The following LRRC69 variants were observed in gnomAD, a reference collection of about 807,000 sequenced individuals.
The protein encoded by LRRC69 is leucine rich repeat containing 69, also known as leucine-rich repeat-containing protein 69.
Under a neutral mutation model 37.8 loss-of-function variants are expected in LRRC69, and 42 were observed. The ratio of observed to expected loss-of-function variants is 1.11; its 90% confidence interval spans 0.87 to 1.44. The LOEUF (loss-of-function observed/expected upper bound fraction) is 1.44. Ranked by LOEUF, LRRC69 falls within the 40% of genes most tolerant of loss-of-function variation. The pLI is 0.00. For synonymous variants in LRRC69, 141 were observed against 143.1 expected (o/e 0.99, Z 0.11); for missense variants, 357 against 401.9 (o/e 0.89, Z 0.96).
intron 5 of LRRC69, among the ~76,000 whole-genome samples, chr8:91,188,619 T>G (rs897854580): frequency 2.0e-5 from 3 of 152,162 alleles, no homozygotes; most frequent in Non-Finnish European, 4.4e-5. Context: ...GAGAAATAAC[T>G]CCCTAAATTA....
chr8:91,153,974 C>G (rs1229436583), intron 5 of LRRC69, among the ~76,000 whole-genome samples: 1 of 151,560 alleles, frequency 6.6e-6, no homozygotes, highest in Non-Finnish European at 1.5e-5. Flanking sequence ...GCTAGCTACA[C>G]TAATAAAGAA....
intron 5 of LRRC69, among the ~76,000 whole-genome samples, chr8:91,184,832 A>G (rs192782155): frequency 2.0e-5 from 3 of 152,300 alleles, no homozygotes; most frequent in Admixed American, 2.0e-4. Flanking sequence ...CACAGTGGAG[A>G]GAGACAAGAG....
At chr8:91,196,916 C>G (rs1370185706) in intron 6 of LRRC69, among the ~76,000 whole-genome samples, 2 of 152,180 alleles carry the variant, frequency 1.3e-5, no homozygotes, top group Non-Finnish European at 2.9e-5. Flanking sequence ...AGGAGAGGCG[C>G]TCTGCGTTTT....
At chr8:91,153,722 G>C (rs1395017570) in intron 5 of LRRC69, among the ~76,000 whole-genome samples, 2 of 151,902 alleles carry the variant, frequency 1.3e-5, no homozygotes, top group East Asian at 3.9e-4. Flanking sequence ...GCAGTGATAA[G>C]AGGGAAATTA....
intron 6 of LRRC69, among the ~76,000 whole-genome samples, chr8:91,197,511 A>C (rs954573994): frequency 2.8e-5 from 4 of 145,174 alleles, no homozygotes; most frequent in Non-Finnish European, 4.6e-5. Context: ...TGGGCGTAGG[A>C]CCCTCCGAGC....
intron 5 of LRRC69, among the ~76,000 whole-genome samples, chr8:91,159,956 AC>A (rs1808907920): frequency 6.6e-6 from 1 of 150,906 alleles, no homozygotes; most frequent in South Asian, 2.1e-4. Flanking sequence ...GTCAATCCCC[AC>A]CTTAAAAAAA....
At chr8:91,161,311 A>C (rs1808940675) in intron 5 of LRRC69, among the ~76,000 whole-genome samples, 1 of 151,406 alleles carries the variant, frequency 6.6e-6, no homozygotes, top group Admixed American at 6.6e-5. Flanking sequence ...CTGGCCTTGA[A>C]GAATGAGTTA....
intron 7 of LRRC69, among the ~76,000 whole-genome samples, chr8:91,208,192 G>A (rs2130639941): frequency 6.6e-6 from 1 of 152,248 alleles, no homozygotes; most frequent in East Asian, 1.9e-4. Flanking sequence ...TGGATTTTTG[G>A]GTGACACAGT....
chr8:91,191,534 T>A (rs3923174), intron 6 of LRRC69, among the ~76,000 whole-genome samples: 1 of 151,988 alleles, frequency 6.6e-6, no homozygotes, highest in South Asian at 2.1e-4. Context: ...TCAAATAACT[T>A]ATCTGAGGTC....
At chr8:91,156,976 G>GT (rs1808846825) in intron 5 of LRRC69, among the ~76,000 whole-genome samples, 2 of 151,140 alleles carry the variant, frequency 1.3e-5, no homozygotes, top group African/African-American at 4.8e-5. Context: ...ATTGGTCTAA[G>GT]TGTCTTTTTT....
At chr8:91,147,753 G>A (rs1808648267) in intron 5 of LRRC69, among the ~76,000 whole-genome samples, 1 of 151,576 alleles carries the variant, frequency 6.6e-6, no homozygotes, top group South Asian at 2.1e-4. Flanking sequence ...GAATGTGCAG[G>A]TTTGTTACAT....
At chr8:91,113,873 A>G (rs577500675) in intron 1 of LRRC69, among the ~76,000 whole-genome samples, 74 of 150,860 alleles carry the variant, frequency 4.9e-4, no homozygotes, top group Non-Finnish European at 8.7e-4. Flanking sequence ...AAACAAACAA[A>G]CAAATAACCT....
intron 7 of LRRC69, among the ~76,000 whole-genome samples, chr8:91,205,973 T>C (rs138775453): frequency 1.3e-3 from 192 of 152,350 alleles, no homozygotes; most frequent in African/African-American, 4.4e-3. Flanking sequence ...AGCTTTGAAG[T>C]CTTCATGGCA....
intron 5 of LRRC69, among the ~76,000 whole-genome samples, chr8:91,185,287 A>G (rs573683470): frequency 6.6e-6 from 1 of 152,228 alleles, no homozygotes; most frequent in East Asian, 1.9e-4. Context: ...GGGGGCCTTC[A>G]TCTGCTTCTC....
intron 1 of LRRC69, among the ~76,000 whole-genome samples, chr8:91,114,546 A>G (rs962532275): frequency 2.0e-5 from 3 of 152,058 alleles, no homozygotes; most frequent in African/African-American, 7.2e-5. Context: ...TGGTCCCATA[A>G]GATTATACGG....
chr8:91,177,827 A>G (rs1453227392), intron 5 of LRRC69, among the ~76,000 whole-genome samples: 1 of 150,882 alleles, frequency 6.6e-6, no homozygotes, highest in African/African-American at 2.4e-5. Context: ...TTTATTCTCT[A>G]ATACTAAATG....
At chr8:91,136,175 C>A (rs1440556975) in intron 5 of LRRC69, among the ~76,000 whole-genome samples, 2 of 151,930 alleles carry the variant, frequency 1.3e-5, no homozygotes, top group Non-Finnish European at 2.9e-5. Flanking sequence ...ATTTTGACCT[C>A]ATTTTATTTC....
intron 5 of LRRC69, among the ~76,000 whole-genome samples, chr8:91,144,527 C>T (rs1192400218): frequency 6.6e-6 from 1 of 151,916 alleles, no homozygotes; most frequent in African/African-American, 2.4e-5. Context: ...GTTTGTTTGC[C>T]AGACCAGATT....
chr8:91,189,097 A>G (rs906885969), intron 5 of LRRC69, among the ~76,000 whole-genome samples: 1 of 152,214 alleles, frequency 6.6e-6, no homozygotes, highest in Non-Finnish European at 1.5e-5. Flanking sequence ...TAAATGGATC[A>G]TAAGACAGTC....
Sources: gnomAD v4.1 joint callset for allele counts (sites outside exome capture counted in the v4.1 genomes callset) on GRCh38, gnomAD v4.1.1 for gene constraint, MANE v1.5 for transcripts, NCBI Gene and HGNC (gene_info 2026-07-23, HGNC 2026-07-21) for gene names.